STUB1: variants seen among roughly 807,000 people sequenced by gnomAD.
STUB1 encodes the protein E3 ubiquitin-protein ligase CHIP.
In STUB1, 37 loss-of-function variants were observed where a neutral mutation model predicts 40.3. The ratio of observed to expected loss-of-function variants is 0.92; its 90% CI spans 0.71 to 1.21. The LOEUF (loss-of-function observed/expected upper bound fraction) is 1.21, where lower values mean the gene tolerates loss of function less well. STUB1 is among the 50% of genes most tolerant of loss of function. The pLI, the probability that STUB1 is intolerant of heterozygous loss-of-function variation, is 0.00. For synonymous variants in STUB1, 246 were observed against 171.9 expected, an observed-to-expected ratio of 1.43 and a Z score of -3.37; for missense variants, 460 against 421.9, an observed-to-expected ratio of 1.09 and a Z score of -0.79.
chr16:681,386 G>A (rs2039649825), intron 2 of STUB1, 36 bp downstream of exon 2: 1 of 1,611,208 alleles, frequency 6.2e-7, no homozygotes, highest in African/African-American at 1.3e-5. Context: ...GGGGCCTCTG[G>A]GGCCAGGCGG....
At position 682,062 on chromosome 16, in the gene STUB1, G is replaced by A. The variant is rs923817905; in HGVS notation, c.655G>A (p.Asp219Asn). The A allele has an allele frequency of 6.3e-6, 10 of 1,583,886 alleles. No individual in the cohort carries two copies. The highest frequency in any genetic ancestry group is 8.6e-6 in the Non-Finnish European group (10 of 1,159,376). Residue 219 changes from aspartate (D) to asparagine (N), a missense_variant, in exon 5 of 7, where the codon GAT becomes AAT. Physicochemically the swap from Asp to Asn is conservative, Grantham distance 23. Transcript: ENST00000219548. The stretch of plus-strand genomic sequence containing the variant: ...CATGGACGAGCTTTTTTCTCAGGTG[G>A]ATGAGAAGAGGAAGGTGAGTGTGTG... ...ADMDELFSQV[D>N]EKRKKRDIPD...
chr16:681,174 T>G lies in STUB1; in HGVS notation c.182T>G (p.Val61Gly), dbSNP rs1596548953. The G allele has an allele frequency of 6.3e-7, 1 of 1,576,434 alleles. No homozygotes were observed. The highest frequency in any genetic ancestry group is 8.6e-7 in the Non-Finnish European group (1 of 1,161,960). ...RAITRNPLVA[V>G]YYTNRALCYL... ...TAGACCCGGAACCCGCTGGTGGCCG[T>G]GTATTACACCAACCGGGCCTTGTGC... is the stretch of plus-strand genomic sequence containing the variant. The change falls in exon 2 of 7, where the codon GTG becomes GGG. Residue 61 changes from valine (V) to glycine (G), a missense_variant. Transcript: ENST00000219548.
rs1193335963 is a variant in STUB1, at chr16:681,478, C to T, written c.399C>T (p.Asp133=). Residue 133 remains aspartate, a synonymous_variant, in exon 3 of 7, where the codon GAC becomes GAT. Coordinates refer to ENST00000219548, the MANE Select transcript of STUB1 (RefSeq NM_005861.4). ...AGGAGCAGCGGCTGAACTTCGGGGA[C>T]GACATCCCCAGCGCTCTTCGAATCG... ...LAKEQRLNFG[D]DIPSALRIAK... 2 of 1,612,652 alleles carry T rather than the reference C, an allele frequency of 1.2e-6. No individual in the cohort carries two copies. The highest frequency in any genetic ancestry group is 2.2e-5 in the East Asian group (1 of 44,880).
intron 4 of STUB1, 23 bp from the exon 5 acceptor site, chr16:681,997 G>GAC: frequency 6.2e-7 from 1 of 1,611,870 alleles, no homozygotes; most frequent in Non-Finnish European, 8.5e-7. Flanking sequence ...TCTCCCCCAA[G>GAC]CACAGCACTC....
At position 682,404 on chromosome 16, in the gene STUB1, C is replaced by G. The variant is rs760147998; in HGVS notation, c.827C>G (p.Thr276Ser). The G allele has an allele frequency of 1.2e-6, 2 of 1,613,248 alleles. No individual in the cohort carries two copies. Among genetic ancestry groups the G allele is most frequent in the East Asian group, 2.2e-5 (1 of 44,892 alleles). Residue 276 changes from threonine (T) to serine (S), a missense_variant, in exon 7 of 7, where the codon ACC becomes AGC. Transcript: ENST00000219548. The part of the protein sequence containing the change: ...HFDPVTRSPL[T>S]QEQLIPNLAM... Reference sequence around the variant, plus strand: ...GACCCCGTGACCCGGAGCCCCCTGACCCAGGAACAGCTCATCCCCAACTTG... The same window carrying G: ...GACCCCGTGACCCGGAGCCCCCTGAGCCAGGAACAGCTCATCCCCAACTTG...
At position 680,631 on chromosome 16, in the gene STUB1, C is replaced by A; in HGVS notation, c.106C>A (p.Leu36Met). The A allele has an allele frequency of 7.2e-7, 1 of 1,381,828 alleles. No homozygotes were observed. Among genetic ancestry groups the A allele is most frequent in the Non-Finnish European group, 9.5e-7 (1 of 1,056,778 alleles). 85.6% of individuals were successfully genotyped at this position (1,381,828 alleles called of 1,614,324 possible). Residue 36 changes from leucine (L) to methionine (M), a missense_variant, in exon 1 of 7, where the codon CTG becomes ATG. Physicochemically the swap from Leu to Met is conservative, Grantham distance 15 (BLOSUM62 2). Transcript: ENST00000219548. The surrounding 1 kb of genome is among the most constrained non-coding windows in gnomAD (Gnocchi z 4.9). The stretch of plus-strand genomic sequence containing the variant: ...GGAGCTCAAGGAGCAGGGCAATCGT[C>A]TGTTCGTGGGCCGAAAGTACCCGGA... ...AQELKEQGNR[L>M]FVGRKYPEAA...
In STUB1 at chr16:680,529, A is replaced by C; in HGVS notation, c.4A>C (p.Lys2Gln). Reference sequence around the variant, plus strand: ...CCAGGCCGTGCCGCGCGGCGCCATGAAGGGCAAGGAGGAGAAGGAGGGCGG... The same window carrying C: ...CCAGGCCGTGCCGCGCGGCGCCATGCAGGGCAAGGAGGAGAAGGAGGGCGG... M[K>Q]GKEEKEGGAR... Residue 2 changes from lysine to glutamine, a missense_variant, in exon 1 of 7, where the codon AAG (lysine) becomes CAG (glutamine). Physicochemically the swap from Lys to Gln is moderately conservative, Grantham distance 53 (BLOSUM62 1). Transcript: ENST00000219548. This position sits in a 1 kb window ranked among gnomAD's most constrained non-coding sequence, Gnocchi z 4.9. 2 of 1,277,204 alleles carry C rather than the reference A, an allele frequency of 1.6e-6. No individual in the cohort carries two copies. The highest frequency in any genetic ancestry group is 2.0e-6 in the Non-Finnish European group (2 of 1,004,566). The allele number at this position is 1,277,204 out of a possible 1,614,324, so 79.1% of individuals were successfully genotyped here.
Position 682,155 on chromosome 16 carries a change from T to C in STUB1, c.670-10T>C. The C allele has an allele frequency of 6.2e-7, 1 of 1,602,250 alleles. No homozygotes were observed. The highest frequency in any genetic ancestry group is 8.5e-7 in the Non-Finnish European group (1 of 1,170,596). On this transcript the variant is annotated splice_polypyrimidine_tract_variant and intron_variant, in intron 5 of 6. Transcript: ENST00000219548. ...TTTTCAGCCTCTGACCGTGTGCCCC[T>C]GTGCCACAGAAGCGAGACATCCCCG... is the stretch of plus-strand genomic sequence containing the variant.
Position 680,893 on chromosome 16 carries a change from G to T in STUB1, c.159+209G>T. On this transcript the variant is annotated intron_variant, in intron 1 of 6. Coordinates refer to ENST00000219548, the MANE Select transcript of STUB1 (RefSeq NM_005861.4). This position sits in a 1 kb window ranked among gnomAD's most constrained non-coding sequence, Gnocchi z 4.9. ...CCGGCCGGGTGGGGGGAGGGCAGGG[G>T]CCCTCGACCCTTGAGGACCCCAGGT... 5 of 611,148 alleles carry T rather than the reference G, an allele frequency of 8.2e-6. No individual in the cohort carries two copies. The highest frequency in any genetic ancestry group is 1.1e-5 in the Non-Finnish European group (4 of 380,460). The allele number at this position is 611,148 out of a possible 1,614,324, so 37.9% of individuals were successfully genotyped here.
In STUB1 at chr16:682,006, T is replaced by C. The variant is rs747396058; in HGVS notation, c.613-14T>C. 1.9e-6 allele frequency: 3 copies of C among 1,609,362 alleles called. No homozygotes were observed. The highest frequency in any genetic ancestry group is 2.5e-6 in the Non-Finnish European group (3 of 1,176,712). ...GGGGTGTCTCCCCCAAGCACAGCACTCAACTCTTCACAGGACAAGTACATG... is the reference window on the plus strand; with the variant it reads ...GGGGTGTCTCCCCCAAGCACAGCACCCAACTCTTCACAGGACAAGTACATG... On this transcript the variant is annotated splice_polypyrimidine_tract_variant and intron_variant, in intron 4 of 6. Coordinates refer to ENST00000219548, the MANE Select transcript of STUB1 (RefSeq NM_005861.4).
In STUB1 at chr16:681,933, G is replaced by A. The variant is rs41292279; in HGVS notation, c.612+53G>A. 0.012 allele frequency: 18,697 copies of A among 1,611,756 alleles called. 116 individuals are homozygous for A. The highest frequency in any genetic ancestry group is 0.014 in the Non-Finnish European group (16,237 of 1,178,530). ...GTCTGTGTGTGTGCACGTGGCGTGG[G>A]AGCATCCCCGCCTTGTGTTGGGTCT... On this transcript the variant is annotated intron_variant, in intron 4 of 6. Coordinates refer to ENST00000219548, the MANE Select transcript of STUB1 (RefSeq NM_005861.4).
Position 680,751 on chromosome 16 carries a change from G to C in STUB1, c.159+67G>C. On this transcript the variant is annotated intron_variant, in intron 1 of 6. Coordinates refer to ENST00000219548, the MANE Select transcript of STUB1 (RefSeq NM_005861.4). This position sits in a 1 kb window ranked among gnomAD's most constrained non-coding sequence, Gnocchi z 4.9. Reference sequence around the variant, plus strand: ...GGGAGGGCCGGGCCCGGGCCCGGCCGGCCCCACCGAGGGTCTGGCTCCTCT... The same window carrying C: ...GGGAGGGCCGGGCCCGGGCCCGGCCCGCCCCACCGAGGGTCTGGCTCCTCT... 8.7e-7 allele frequency: 1 copy of C among 1,154,122 alleles called. No homozygotes were observed. The highest frequency in any genetic ancestry group is 1.1e-6 in the Non-Finnish European group (1 of 930,752). 71.5% of individuals were successfully genotyped at this position (1,154,122 alleles called of 1,614,324 possible).
chr16:681,975 G>A (rs751325523), intron 4 of STUB1, 45 bp from the exon 5 acceptor site: 4 of 1,612,510 alleles, frequency 2.5e-6, no homozygotes, highest in Non-Finnish European at 3.4e-6. Context: ...CATGGAGGAG[G>A]GAGGTGGGGT....
chr16:681,632 C>T (rs1257077731), intron 3 of STUB1, 29 bp downstream of exon 3: 3 of 1,588,862 alleles, frequency 1.9e-6, no homozygotes, highest in Non-Finnish European at 2.6e-6. Context: ...GCCGCCCTGT[C>T]TTGGGATAAT....
rs1020231386 is a variant in STUB1 at position 680,763 on chromosome 16, G to C, written c.159+79G>C. The C allele has an allele frequency of 8.8e-7, 1 of 1,138,744 alleles. No individual in the cohort carries two copies. Among genetic ancestry groups the C allele is most frequent in the African/African-American group, 1.6e-5 (1 of 61,394 alleles). The allele number at this position is 1,138,744 out of a possible 1,614,324, so 70.5% of individuals were successfully genotyped here. A position where few individuals can be genotyped will look rare whatever the true frequency, so the allele number is the denominator to read the frequency against. ...CCCGGGCCCGGCCGGCCCCACCGAG[G>C]GTCTGGCTCCTCTTCGGGGCGTGTC... On this transcript the variant is annotated intron_variant, in intron 1 of 6. Transcript: ENST00000219548. This position sits in a 1 kb window ranked among gnomAD's most constrained non-coding sequence, Gnocchi z 4.9.
Position 681,876 on chromosome 16 carries a change from AGCACGTGAGGGT to A in STUB1, c.611_612+10del. 1.2e-6 allele frequency: 2 copies of A among 1,612,960 alleles called. No homozygotes were observed. The highest frequency in any genetic ancestry group is 1.7e-6 in the Non-Finnish European group (2 of 1,179,968). On this transcript the variant is annotated splice_donor_variant and splice_donor_5th_base_variant and coding_sequence_variant and intron_variant, in exon 4 of 7. Coordinates refer to ENST00000219548, the MANE Select transcript of STUB1 (RefSeq NM_005861.4). LOFTEE classifies it high-confidence loss of function. ...GCCCAGCAGGCCTGCATTGAGGCCA[AGCACGTGAGGGT>A]GCCCCCCACCCACATGTGGGTCTGT...
In STUB1 at chr16:681,319, C is replaced by G; in HGVS notation, c.327C>G (p.Ser109Arg). The change falls in exon 2 of 7, where the codon AGC (serine) becomes AGG (arginine). Residue 109 changes from serine (S) to arginine (R), a missense_variant. Transcript: ENST00000219548. The part of the protein sequence containing the change: ...FLGQCQLEME[S>R]YDEAIANLQR... ...GGCAGTGCCAGCTGGAGATGGAGAGCTATGATGAGGCCATCGCCAATCTGC... is the reference window on the plus strand; with the variant it reads ...GGCAGTGCCAGCTGGAGATGGAGAGGTATGATGAGGCCATCGCCAATCTGC... 1 of 1,612,902 alleles carries G rather than the reference C, an allele frequency of 6.2e-7. No homozygotes were observed. Among genetic ancestry groups the G allele is most frequent in the Non-Finnish European group, 8.5e-7 (1 of 1,179,974 alleles).
intron 2 of STUB1, 27 bp from the exon 3 acceptor site, chr16:681,411 G>A: frequency 1.2e-6 from 2 of 1,610,248 alleles, no homozygotes; most frequent in East Asian, 2.2e-5. Flanking sequence ...ACTGGCCAGA[G>A]AGTGACGTGA....
At position 681,524 on chromosome 16, in the gene STUB1, A is replaced by G; in HGVS notation, c.445A>G (p.Ser149Gly). ...LRIAKKKRWN[S>G]IEERRIHQES... is the part of the protein sequence containing the mutation. ...AATCGCGAAGAAGAAGCGCTGGAAC[A>G]GCATTGAGGAGCGGCGCATCCACCA... The change falls in exon 3 of 7, where the codon AGC becomes GGC. Residue 149 changes from serine (S) to glycine (G), a missense_variant. By Grantham distance (56) the Ser-to-Gly change is moderately conservative. Coordinates refer to ENST00000219548, the MANE Select transcript of STUB1 (RefSeq NM_005861.4). The G allele has an allele frequency of 1.9e-6, 3 of 1,612,382 alleles. No homozygotes were observed. Among genetic ancestry groups the G allele is most frequent in the Non-Finnish European group, 2.5e-6 (3 of 1,179,926 alleles).
Sources: allele counts gnomAD v4.1 joint callset, GRCh38; gene constraint gnomAD v4.1.1; non-coding constraint Gnocchi (gnomAD v3.1); transcripts MANE v1.5; gene names NCBI Gene and HGNC (gene_info 2026-07-23, HGNC 2026-07-21).